The following CCDC92 variants were observed in gnomAD, a reference collection of about 807,000 sequenced individuals.
CCDC92 encodes coiled-coil domain-containing protein 92.
Under a neutral mutation model 24.9 loss-of-function variants are expected in CCDC92, and 12 were observed. That is an observed-to-expected ratio of 0.48 (90% CI 0.31 to 0.78). The LOEUF is 0.78. Ranked by LOEUF, CCDC92 falls within the 30% of genes least tolerant of loss-of-function variation. CCDC92 has a pLI of 0.05. For synonymous variants in CCDC92, 193 were observed against 196.3 expected, an observed-to-expected ratio of 0.98 and a Z score of 0.14; for missense variants, 399 against 439.4, an observed-to-expected ratio of 0.91 and a Z score of 0.82.
chr12:123,958,523 CCA>C (rs1454906604), intron 1 of CCDC92, among the ~76,000 whole-genome samples: 1 of 152,254 alleles, frequency 6.6e-6, no homozygotes. Flanking sequence ...CTGTTTGGAA[CCA>C]CAGACTCTCA....
intron 1 of CCDC92, among the ~76,000 whole-genome samples, chr12:123,961,624 C>T (rs560924256): frequency 1.1e-3 from 166 of 152,290 alleles, no homozygotes; most frequent in Non-Finnish European, 1.8e-3. Context: ...GAGGCAAAAT[C>T]GCCACTTAAG....
intron 1 of CCDC92, among the ~76,000 whole-genome samples, chr12:123,964,073 G>A (rs987219544): frequency 3.9e-5 from 6 of 152,176 alleles, no homozygotes; most frequent in African/African-American, 9.7e-5. Flanking sequence ...TTTGAACTTT[G>A]TAATTTGCAG....
intron 1 of CCDC92, chr12:123,946,289 A>AC (rs1955867611): frequency 6.6e-6 from 1 of 152,042 alleles, no homozygotes; most frequent in East Asian, 1.9e-4. Flanking sequence ...CCCTTCTCCT[A>AC]CCCCCAGGGC....
chr12:123,961,313 T>C (rs1193106095), intron 1 of CCDC92: 4 of 151,892 alleles, frequency 2.6e-5, no homozygotes, highest in Non-Finnish European at 5.9e-5. Context: ...AATAAATGAG[T>C]GAATAAGGAC....
intron 1 of CCDC92, chr12:123,956,191 T>G (rs1566168678): frequency 6.6e-6 from 1 of 152,258 alleles, no homozygotes; most frequent in Non-Finnish European, 1.5e-5. Flanking sequence ...AATCAGATAT[T>G]TGTTGTTATT....
rs1247728697 is a variant in CCDC92 at position 123,947,055 on chromosome 12, GGCCCTGCCA to G, written c.-59-2700_-59-2692del. On this transcript the variant is annotated intron_variant, in intron 1 of 4. Transcript: ENST00000238156. ...CCGCACTCAGAGCAGCCAGCGGGCC[GGCCCTGCCA>G]GCCCTGCCGGCCCCGGGCAATGAGG... is the stretch of plus-strand genomic sequence containing the variant. Among the ~76,000 whole-genome samples the G allele has an allele frequency of 2.0e-5, 3 of 152,266 alleles. No individual in the cohort carries two copies. In the South Asian group the frequency reaches 6.2e-4, roughly 32 times the overall value.
intron 1 of CCDC92, among the ~76,000 whole-genome samples, chr12:123,958,714 T>C (rs1237055433): frequency 6.6e-6 from 1 of 152,238 alleles, no homozygotes; most frequent in Non-Finnish European, 1.5e-5. Context: ...TTCCAGGCCT[T>C]GCCTCATTAC....
chr12:123,970,658 G>A (rs1267103842), intron 1 of CCDC92, among the ~76,000 whole-genome samples: 3 of 152,228 alleles, frequency 2.0e-5, no homozygotes, highest in Non-Finnish European at 4.4e-5. Flanking sequence ...CCTAGTCACT[G>A]CCCTTGAAGG....
In CCDC92 at chr12:123,942,729, G is replaced by A; in HGVS notation, c.223+15C>T. On this transcript the variant is annotated intron_variant, in intron 4 of 4. Transcript: ENST00000238156. ...GGAAACCTACTGTCATTTACTTCTG[G>A]GGAGGAGTTCTTACCTGTCTGTTCC... 1 of 1,600,094 alleles carries A rather than the reference G, an allele frequency of 6.2e-7. No individual in the cohort carries two copies. Among genetic ancestry groups the A allele is most frequent in the Non-Finnish European group, 8.6e-7 (1 of 1,167,178 alleles).
At chr12:123,966,268 A>G (rs930986477) in intron 1 of CCDC92, 7 of 152,352 alleles carry the variant, frequency 4.6e-5, no homozygotes, top group Non-Finnish European at 1.0e-4. Flanking sequence ...TAACCTAGCC[A>G]GGAATTTTCA....
chr12:123,948,212 ATATGTAGATG>A (rs1456016049), intron 1 of CCDC92, among the ~76,000 whole-genome samples: 1 of 152,230 alleles, frequency 6.6e-6, no homozygotes, highest in Non-Finnish European at 1.5e-5. Flanking sequence ...GGATGTGCCT[ATATGTAGATG>A]TCAGTATTTT....
chr12:123,949,935 C>A (rs1362611655), intron 1 of CCDC92, among the ~76,000 whole-genome samples: 1 of 152,206 alleles, frequency 6.6e-6, no homozygotes, highest in African/African-American at 2.4e-5. Flanking sequence ...AAGTGCTATC[C>A]CTTCCTCTCA....
chr12:123,946,441 A>G (rs1955872689), intron 1 of CCDC92: 1 of 152,186 alleles, frequency 6.6e-6, no homozygotes, highest in Non-Finnish European at 1.5e-5. Context: ...TCCACTGTCT[A>G]CTTATCCTTT....
At chr12:123,951,211 A>G (rs1233337467) in intron 1 of CCDC92, among the ~76,000 whole-genome samples, 1 of 152,170 alleles carries the variant, frequency 6.6e-6, no homozygotes, top group Admixed American at 6.5e-5. Context: ...GATCTAAACC[A>G]GAACTACACT....
chr12:123,945,309 C>G (rs1364545986), intron 1 of CCDC92: 1 of 152,218 alleles, frequency 6.6e-6, no homozygotes, highest in Non-Finnish European at 1.5e-5. Context: ...GTTTCTGTCC[C>G]CGAAACCGTC....
chr12:123,972,235 G>C (rs903962226), intron 1 of CCDC92: 7 of 152,118 alleles, frequency 4.6e-5, no homozygotes, highest in African/African-American at 1.7e-4. Context: ...ACCCCGCGGG[G>C]GCGGGCGCGG....
chr12:123,943,547 C>A (rs1955756131), intron 2 of CCDC92, 54 bp from the exon 3 acceptor site: 1 of 1,604,402 alleles, frequency 6.2e-7, no homozygotes, highest in Non-Finnish European at 8.5e-7. Flanking sequence ...CCAGGGCTGC[C>A]TGCCCTCCTT....
chr12:123,958,096 C>T, intron 1 of CCDC92, among the ~76,000 whole-genome samples: 1 of 152,066 alleles, frequency 6.6e-6, no homozygotes, highest in Middle Eastern at 3.2e-3. Context: ...TCTTGTTGCC[C>T]AGGCTGGAGT....
intron 1 of CCDC92, chr12:123,961,276 T>G (rs773609931): frequency 2.6e-5 from 4 of 152,176 alleles, no homozygotes; most frequent in Non-Finnish European, 5.9e-5. Flanking sequence ...CTGGTACCTA[T>G]CTGTTGCCAG....
Sources: allele counts gnomAD v4.1 joint callset (sites outside exome capture counted in the v4.1 genomes callset), GRCh38; gene constraint gnomAD v4.1.1; transcripts MANE v1.5; gene names NCBI Gene and HGNC (gene_info 2026-07-23, HGNC 2026-07-21).